Variants in DDB2 observed in about 807,000 individuals in gnomAD.
The protein encoded by DDB2 is damage specific DNA binding protein 2, also known as DNA damage-binding protein 2.
Under a neutral mutation model 50.5 loss-of-function variants are expected in DDB2, and 27 were observed. The ratio of observed to expected loss-of-function variants is 0.53; its 90% CI spans 0.39 to 0.74. The LOEUF (loss-of-function observed/expected upper bound fraction) is 0.74. DDB2 is among the 30% of genes least tolerant of loss of function. The pLI, the probability that DDB2 is intolerant of heterozygous loss-of-function variation, is 0.00. For missense variants in DDB2, 424 were observed against 545.6 expected, an observed-to-expected ratio of 0.78 and a Z score of 2.22; for synonymous variants, 176 against 205.5, an observed-to-expected ratio of 0.86 and a Z score of 1.23.
intron 1 of DDB2, 141 bp from the exon 2 acceptor site, chr11:47,216,195 C>T (rs1362332942): frequency 8.0e-7 from 1 of 1,257,310 alleles, no homozygotes; most frequent in African/African-American, 1.5e-5. Context: ...CTCGTTGAGA[C>T]CACACAGACA....
chr11:47,235,257 T>A lies in DDB2; in HGVS notation c.881-13T>A, dbSNP rs1953709047. ...TGTGGTTCCTTCAGCTCAGGGGCTT[T>A]TCACTTTGCCAGCTTGTTTCAGTCC... On this transcript the variant is annotated splice_polypyrimidine_tract_variant and intron_variant, in intron 6 of 9. Transcript: ENST00000256996. 1.2e-6 allele frequency: 2 copies of A among 1,614,090 alleles called. No homozygotes were observed. The highest frequency in any genetic ancestry group is 1.3e-5 in the African/African-American group (1 of 74,954).
chr11:47,226,399 C>T (rs767028563), intron 3 of DDB2, among the ~76,000 whole-genome samples: 1 of 151,986 alleles, frequency 6.6e-6, no homozygotes, highest in African/African-American at 2.4e-5. Context: ...GCTCAGCCTC[C>T]AGTAGCTGAG....
intron 4 of DDB2, 92 bp downstream of exon 4, chr11:47,233,051 G>C (rs4647744): frequency 7.1e-7 from 1 of 1,414,864 alleles, no homozygotes. Context: ...ACCCAACCTG[G>C]CCCAGGGAAG....
intron 7 of DDB2, among the ~76,000 whole-genome samples, chr11:47,236,836 A>C (rs926820611): frequency 1.3e-5 from 2 of 152,208 alleles, no homozygotes; most frequent in Non-Finnish European, 1.5e-5. Flanking sequence ...ATCTGTCTGC[A>C]TGTCCCAGTT....
chr11:47,221,743 C>T (rs1041837768), intron 3 of DDB2: 2 of 152,206 alleles, frequency 1.3e-5, no homozygotes, highest in African/African-American at 4.8e-5. Context: ...CCGTGCCCAG[C>T]CTGAATTTTA....
chr11:47,219,154 A>G (rs2135488533), intron 3 of DDB2, among the ~76,000 whole-genome samples: 1 of 152,318 alleles, frequency 6.6e-6, no homozygotes, highest in South Asian at 2.1e-4. Flanking sequence ...CGTGTTAGCC[A>G]CGATGGTCTC....
intron 3 of DDB2, among the ~76,000 whole-genome samples, chr11:47,219,972 G>T (rs994295576): frequency 6.6e-6 from 1 of 152,072 alleles, no homozygotes; most frequent in Non-Finnish European, 1.5e-5. Flanking sequence ...ATATTTTTTA[G>T]TGGAGATGGG....
intron 3 of DDB2, among the ~76,000 whole-genome samples, chr11:47,232,485 T>A (rs200026126): frequency 6.8e-6 from 1 of 146,162 alleles, no homozygotes; most frequent in African/African-American, 2.5e-5. Flanking sequence ...AACCCCATCT[T>A]AAAAAAAAAA....
At chr11:47,222,115 T>C (rs1365848492) in intron 3 of DDB2, among the ~76,000 whole-genome samples, 2 of 152,160 alleles carry the variant, frequency 1.3e-5, no homozygotes, top group African/African-American at 4.8e-5. Context: ...ATTTGGAGAG[T>C]GATAGATAGA....
At position 47,232,880 on chromosome 11, in the gene DDB2, T is replaced by G. The variant is rs1483143432; in HGVS notation, c.523T>G (p.Ser175Ala). ...TCTCAATACCAACCAGTTTTACGCC[T>G]CCTCAATGGAGGGAACAACTAGGCT... ...NPLNTNQFYA[S>A]SMEGTTRLQD... Residue 175 changes from serine (S) to alanine (A), a missense_variant, in exon 4 of 10, where the codon TCC becomes GCC. Physicochemically the swap from Ser to Ala is moderately conservative, Grantham distance 99. Coordinates refer to ENST00000256996, the MANE Select transcript of DDB2 (RefSeq NM_000107.3). 2 of 1,613,968 alleles carry G rather than the reference T, an allele frequency of 1.2e-6. No individual in the cohort carries two copies. The highest frequency in any genetic ancestry group is 1.1e-5 in the South Asian group (1 of 91,082).
chr11:47,215,232 C>T lies in DDB2; in HGVS notation c.96C>T (p.Pro32=), dbSNP rs1486991144. 1 of 1,613,840 alleles carries T rather than the reference C, an allele frequency of 6.2e-7. No homozygotes were observed. The highest frequency in any genetic ancestry group is 1.3e-5 in the African/African-American group (1 of 74,946). The part of the protein sequence containing the change: ...KRSRSPLELE[P]EAKKLCAKGS... Reference sequence around the variant, plus strand: ...GCAGGAGTCCCCTGGAGCTGGAGCCCGAGGCCAAGAAGCTCTGTGCGAAGG... The same window carrying T: ...GCAGGAGTCCCCTGGAGCTGGAGCCTGAGGCCAAGAAGCTCTGTGCGAAGG... Residue 32 remains proline (P), a synonymous_variant, in exon 1 of 10, where the codon CCC becomes CCT. Coordinates refer to ENST00000256996, the MANE Select transcript of DDB2 (RefSeq NM_000107.3).
intron 3 of DDB2, among the ~76,000 whole-genome samples, chr11:47,224,001 T>G (rs1426902245): frequency 6.6e-6 from 1 of 151,628 alleles, no homozygotes; most frequent in Non-Finnish European, 1.5e-5. Flanking sequence ...TTCAGGAGGC[T>G]GAGGTGGGAG....
intron 4 of DDB2, chr11:47,233,442 A>G: frequency 4.5e-6 from 1 of 221,034 alleles, no homozygotes; most frequent in Non-Finnish European, 9.2e-6. Context: ...GCAGTGGCTC[A>G]TGCTTGAAAT....
intron 3 of DDB2, among the ~76,000 whole-genome samples, chr11:47,223,151 C>T (rs972489257): frequency 6.6e-6 from 1 of 152,026 alleles, no homozygotes; most frequent in Non-Finnish European, 1.5e-5. Flanking sequence ...TTATTGCATA[C>T]AATATATTTG....
At chr11:47,224,142 T>C (rs1294743315) in intron 3 of DDB2, among the ~76,000 whole-genome samples, 1 of 152,164 alleles carries the variant, frequency 6.6e-6, no homozygotes, top group African/African-American at 2.4e-5. Flanking sequence ...TATCCTTATG[T>C]TCCTGTCTAT....
At chr11:47,223,514 C>G (rs1953515684) in intron 3 of DDB2, among the ~76,000 whole-genome samples, 2 of 151,476 alleles carry the variant, frequency 1.3e-5, no homozygotes, top group South Asian at 4.2e-4. Flanking sequence ...GGCGCGGTGG[C>G]TGACACCTGT....
At chr11:47,216,296 G>C (rs1465994999) in intron 1 of DDB2, 40 bp from the exon 2 acceptor site, 16 of 1,614,086 alleles carry the variant, frequency 9.9e-6, no homozygotes, top group Middle Eastern at 1.6e-4. Flanking sequence ...AAAACCTTTC[G>C]TGAGATTGGA....
In DDB2 at chr11:47,229,595, C is replaced by G. The variant is rs572817980; in HGVS notation, c.457-3219C>G. ...TAAGTATATTGAGTAAAATGGGAAC[C>G]ACATTTTTCACTGTCAAAGAAGGGA... is the stretch of plus-strand genomic sequence containing the variant. On this transcript the variant is annotated intron_variant, in intron 3 of 9. Transcript: ENST00000256996. Among the ~76,000 whole-genome samples, 7 of 152,182 alleles carry G rather than the reference C, an allele frequency of 4.6e-5. No individual in the cohort carries two copies. In the East Asian group the frequency reaches 1.2e-3, roughly 25 times the overall value.
Position 47,235,410 on chromosome 11 carries a change from A to C in DDB2, c.1021A>C (p.Lys341Gln), listed in dbSNP as rs1953712385. ...TCACTTCCAGCACCTCACACCCATC[A>C]AGGTGAGTGGCGGTGGGAAGGAGCT... is the stretch of plus-strand genomic sequence containing the variant. ...HRHFQHLTPI[K>Q]AAWHPRYNLI... is the part of the protein sequence containing the mutation. The change falls in exon 7 of 10, where the codon AAG (lysine) becomes CAG (glutamine). Residue 341 changes from lysine (K) to glutamine (Q), a missense_variant and splice_region_variant. Lys to Gln is a moderately conservative substitution (Grantham distance 53). Coordinates refer to ENST00000256996, the MANE Select transcript of DDB2 (RefSeq NM_000107.3). The C allele has an allele frequency of 6.2e-7, 1 of 1,612,024 alleles. No individual in the cohort carries two copies. Among genetic ancestry groups the C allele is most frequent in the African/African-American group, 1.3e-5 (1 of 74,920 alleles).
Sources: allele counts gnomAD v4.1 joint callset (sites outside exome capture counted in the v4.1 genomes callset), GRCh38; gene constraint gnomAD v4.1.1; transcripts MANE v1.5; gene names NCBI Gene and HGNC (gene_info 2026-07-23, HGNC 2026-07-21).